TEP1: variants seen among roughly 807,000 people sequenced by gnomAD.
TEP1 encodes the protein telomerase protein component 1.
Under a neutral mutation model 306.3 loss-of-function variants are expected in TEP1, and 241 were observed. The ratio of observed to expected loss-of-function variants is 0.79; its 90% CI spans 0.71 to 0.88. TEP1 has a LOEUF of 0.88. Ranked by LOEUF, TEP1 falls within the 40% of genes least tolerant of loss-of-function variation. TEP1 has a pLI of 0.00. For missense variants in TEP1, 3,051 were observed against 3,276.1 expected (o/e 0.93, Z 1.68); for synonymous variants, 1,289 against 1,305.5 (o/e 0.99, Z 0.27).
rs570672845 is a variant in TEP1 at position 20,410,020 on chromosome 14, C to CAAAAAAAAAAAA, written c.-24-1569_-24-1558dup. ...TGGGCGACAGAGCAAGACTCTGTCT[C>CAAAAAAAAAAAA]AAAAAAAAAAAAAAAAAAAAAAAAA... On this transcript the variant is annotated intron_variant, in intron 1 of 54. Coordinates refer to ENST00000262715, the MANE Select transcript of TEP1 (RefSeq NM_007110.5). 2.1e-3 allele frequency among the ~76,000 whole-genome samples: 124 copies of CAAAAAAAAAAAA among 58,934 alleles called. 9 individuals are homozygous for CAAAAAAAAAAAA. The highest frequency in any genetic ancestry group is 2.5e-3 in the Non-Finnish European group (77 of 30,866). 38.7% of individuals were successfully genotyped at this position (58,934 alleles called of 152,430 possible).
Position 20,384,207 on chromosome 14 carries a change from A to G in TEP1, c.3365T>C (p.Val1122Ala). The G allele has an allele frequency of 6.2e-7, 1 of 1,614,082 alleles. No individual in the cohort carries two copies. Among genetic ancestry groups the G allele is most frequent in the Non-Finnish European group, 8.5e-7 (1 of 1,179,974 alleles). The change falls in exon 24 of 55, where the codon GTG (valine) becomes GCG (alanine). Residue 1122 changes from valine (V) to alanine (A), a missense_variant. Val to Ala is a moderately conservative substitution (Grantham distance 64, BLOSUM62 0). Coordinates refer to ENST00000262715, the MANE Select transcript of TEP1 (RefSeq NM_007110.5). ...LQPGALLEQP[V>A]SIPDDDLVQA... ...GACCAAGTCATCGTCTGGGATGGAC[A>G]CTGGCTGCTCCAGCAGGGCCCCAGG...
chr14:20,375,496 T>C (rs557703766), intron 43 of TEP1, among the ~76,000 whole-genome samples: 10 of 152,296 alleles, frequency 6.6e-5, no homozygotes, highest in South Asian at 2.1e-4. Flanking sequence ...AGCTTCATCA[T>C]TGACCTTGGA....
At position 20,401,126 on chromosome 14, in the gene TEP1, T is replaced by G; in HGVS notation, c.1407A>C (p.Leu469=). The change falls in exon 9 of 55, where the codon CTA becomes CTC. Residue 469 remains leucine, a synonymous_variant. Coordinates refer to ENST00000262715, the MANE Select transcript of TEP1 (RefSeq NM_007110.5). ...GAAGGCGACTTCGAGAAAAGAGCTG[T>G]AGGTTGGAGGGGTATCTGAGGATAG... ...ALLGYRYPSN[L]QLFSRSRLPG... is the part of the protein sequence containing the mutation. 6.2e-7 allele frequency: 1 copy of G among 1,613,370 alleles called. No individual in the cohort carries two copies. Among genetic ancestry groups the G allele is most frequent in the Non-Finnish European group, 8.5e-7 (1 of 1,179,724 alleles).
chr14:20,370,242 C>T (rs1379079130), intron 51 of TEP1, among the ~76,000 whole-genome samples: 2 of 151,836 alleles, frequency 1.3e-5, no homozygotes, highest in Non-Finnish European at 2.9e-5. Flanking sequence ...TGTACATCGG[C>T]GATGTATTTT....
At chr14:20,376,907 T>A (rs1428089132) in intron 41 of TEP1, among the ~76,000 whole-genome samples, 1 of 152,122 alleles carries the variant, frequency 6.6e-6, no homozygotes, top group African/African-American at 2.4e-5. Flanking sequence ...AAGGTGTTAG[T>A]GTCTTTAAAA....
At chr14:20,374,405 G>A in intron 44 of TEP1, 24 bp downstream of exon 44, 6 of 1,584,124 alleles carry the variant, frequency 3.8e-6, no homozygotes, top group South Asian at 1.1e-5. Context: ...AGACCCCCCA[G>A]TGGGATCTCC....
At chr14:20,408,948 T>C (rs1760895) in intron 1 of TEP1, among the ~76,000 whole-genome samples, 34,377 of 151,822 alleles carry the variant, frequency 0.23, 4,143 homozygotes, top group African/African-American at 0.31. Flanking sequence ...GTTTGATCCC[T>C]ACTTAGTAGA....
rs1878215995 is a variant in TEP1 at position 20,396,559 on chromosome 14, G to A, written c.1659+62C>T. The A allele has an allele frequency of 1.3e-5, 18 of 1,426,948 alleles. No homozygotes were observed. In the South Asian group the frequency reaches 2.0e-4, roughly 15 times the overall value. 88.4% of individuals were successfully genotyped at this position (1,426,948 alleles called of 1,614,324 possible). A position where few individuals can be genotyped will look rare whatever the true frequency, so the allele number is the denominator to read the frequency against. ...AAAAAGCCTGGCCTCTAAAGCAGCA[G>A]TGGCCTCTCCACGTGCACATCTAGT... On this transcript the variant is annotated intron_variant, in intron 10 of 54. Coordinates refer to ENST00000262715, the MANE Select transcript of TEP1 (RefSeq NM_007110.5).
In TEP1 at chr14:20,383,819, G is replaced by A; in HGVS notation, c.3634C>T (p.Leu1212Phe). Residue 1212 changes from leucine (L) to phenylalanine (F), a missense_variant, in exon 25 of 55, where the codon CTC (leucine) becomes TTC (phenylalanine). Coordinates refer to ENST00000262715, the MANE Select transcript of TEP1 (RefSeq NM_007110.5). Reference sequence around the variant, plus strand: ...GTACAGAGGCGTCTGAGCAGAGTGAGGGCAAGACCCTGGTCAGGACGAGCC... The same window carrying A: ...GTACAGAGGCGTCTGAGCAGAGTGAAGGCAAGACCCTGGTCAGGACGAGCC... ...SGARPDQGLALTLLRRLCTYL... is the reference protein window; with the variant it reads ...SGARPDQGLAFTLLRRLCTYL... 1.2e-6 allele frequency: 2 copies of A among 1,609,030 alleles called. No individual in the cohort carries two copies. The highest frequency in any genetic ancestry group is 1.3e-5 in the African/African-American group (1 of 75,028).
intron 1 of TEP1, among the ~76,000 whole-genome samples, chr14:20,410,816 T>G (rs1316923249): frequency 1.4e-5 from 2 of 143,036 alleles, no homozygotes; most frequent in African/African-American, 2.6e-5. Flanking sequence ...TTTTTTTTTT[T>G]TTTTTTTTTT....
Position 20,381,258 on chromosome 14 carries a change from A to C in TEP1, c.4647+55T>G. 7 of 1,571,104 alleles carry C rather than the reference A, an allele frequency of 4.5e-6. No individual in the cohort carries two copies. Among genetic ancestry groups the C allele is most frequent in the Non-Finnish European group, 5.3e-6 (6 of 1,140,896 alleles). On this transcript the variant is annotated intron_variant, in intron 32 of 54. Transcript: ENST00000262715. This position sits in a 1 kb window ranked among gnomAD's most constrained non-coding sequence, Gnocchi z 4.0. ...AGATGGTAACGGGGAGAGGGGTCTC[A>C]GAGCAACCAAAGCACTCACTTTGGG...
chr14:20,405,377 C>CCATAACCCACCACACA, intron 4 of TEP1, 74 bp downstream of exon 4: 2 of 1,567,408 alleles, frequency 1.3e-6, no homozygotes, highest in Non-Finnish European at 1.7e-6. Flanking sequence ...CTAGTCACCA[C>CCATAACCCACCACACA]CCCGCCACAC....
At position 20,369,360 on chromosome 14, in the gene TEP1, G is replaced by A; in HGVS notation, c.7640C>T (p.Thr2547Ile). The change falls in exon 53 of 55, where the codon ACA becomes ATA. Residue 2547 changes from threonine to isoleucine, a missense_variant. By Grantham distance (89) the Thr-to-Ile change is moderately conservative. This residue lies in a region of TEP1 where 1,540 missense variants were observed against 1,705.9 expected (regional missense o/e 0.90). Transcript: ENST00000262715. ...CAAACTCACCTTTCTACGCTGCCGT[G>A]TCTTTAGATGTGGTGTTGGCTCACT... The part of the protein sequence containing the change: ...MDSEPTPHLK[T>I]RQRRKIHSGS... 6.2e-7 allele frequency: 1 copy of A among 1,614,150 alleles called. No homozygotes were observed. The highest frequency in any genetic ancestry group is 8.5e-7 in the Non-Finnish European group (1 of 1,180,040).
intron 27 of TEP1, 94 bp downstream of exon 27, chr14:20,383,080 G>T: frequency 1.5e-6 from 2 of 1,354,930 alleles, no homozygotes; most frequent in South Asian, 1.4e-5. Flanking sequence ...AAAGGAGCAG[G>T]TCTGTGCAAG....
intron 51 of TEP1, 51 bp from the exon 52 acceptor site, chr14:20,369,830 T>C: frequency 6.8e-7 from 1 of 1,463,220 alleles, no homozygotes; most frequent in Non-Finnish European, 9.6e-7. Context: ...AGTCAACTTG[T>C]ACCAGACAAA....
rs1877629986 is a variant in TEP1, at chr14:20,390,701, G to A, written c.2314C>T (p.Leu772=). The A allele has an allele frequency of 6.2e-7, 1 of 1,614,226 alleles. No homozygotes were observed. Among genetic ancestry groups the A allele is most frequent in the Non-Finnish European group, 8.5e-7 (1 of 1,180,038 alleles). ...LNTFGKYLLS[L]AGQRVPVDRV... ...CTCACAGGAACCCTTTGGCCAGCCA[G>A]AGACAGCAGGTATTTCCCAAAAGTA... The change falls in exon 15 of 55, where the codon CTG becomes TTG. Residue 772 remains leucine (L), a synonymous_variant. Coordinates refer to ENST00000262715, the MANE Select transcript of TEP1 (RefSeq NM_007110.5).
chr14:20,390,963 G>A lies in TEP1; in HGVS notation c.2231C>T (p.Ala744Val). Residue 744 changes from alanine (A) to valine (V), a missense_variant, in exon 14 of 55, where the codon GCC (alanine) becomes GTC (valine). By Grantham distance (64) the Ala-to-Val change is moderately conservative (BLOSUM62 0). Around this residue, in one of 3 missense-constraint regions of TEP1, gnomAD observed 1,507 missense variants for 1,550.5 expected, o/e 0.97. Coordinates refer to ENST00000262715, the MANE Select transcript of TEP1 (RefSeq NM_007110.5). ...CTGGACTTGAGCCTGGAGCTTGATG[G>A]CAGTCTTCAGGATGCCTTCTTCTGC... The part of the protein sequence containing the change: ...LKAEEGILKT[A>V]IKLQAQVQEF... The A allele has an allele frequency of 6.2e-7, 1 of 1,614,168 alleles. No individual in the cohort carries two copies. Among genetic ancestry groups the A allele is most frequent in the South Asian group, 1.1e-5 (1 of 91,086 alleles).
At chr14:20,392,159 C>A (rs911798343) in intron 12 of TEP1, among the ~76,000 whole-genome samples, 1 of 152,180 alleles carries the variant, frequency 6.6e-6, no homozygotes, top group East Asian at 1.9e-4. Context: ...AATATTCATC[C>A]CACCTTTCCC....
intron 20 of TEP1, 67 bp downstream of exon 20, chr14:20,386,008 G>C: frequency 6.6e-7 from 1 of 1,516,116 alleles, no homozygotes; most frequent in South Asian, 1.4e-5. Context: ...ACAGAGTGTG[G>C]CTTCTCCCAG....
Sources: allele counts gnomAD v4.1 joint callset (sites outside exome capture counted in the v4.1 genomes callset), GRCh38; gene constraint gnomAD v4.1.1; regional missense constraint gnomAD v4.1.1; non-coding constraint Gnocchi (gnomAD v3.1); transcripts MANE v1.5; gene names NCBI Gene and HGNC (gene_info 2026-07-23, HGNC 2026-07-21).